The following ZNF836 variants were observed in gnomAD, a reference collection of about 807,000 sequenced individuals.
ZNF836 encodes the protein zinc finger protein 836.
Under a neutral mutation model 7.4 loss-of-function variants are expected in ZNF836, and 12 were observed. That is an observed-to-expected ratio of 1.61 (90% CI 1.03 to 2.61). ZNF836 has a LOEUF of 2.61. ZNF836 is among the 30% of genes most tolerant of loss of function. The pLI, the probability that ZNF836 is intolerant of heterozygous loss-of-function variation, is 0.00. For missense variants in ZNF836, 998 were observed against 1,126.2 expected (o/e 0.89, Z 1.63); for synonymous variants, 365 against 382.6 (o/e 0.95, Z 0.54).
chr19:52,155,024 C>T lies in ZNF836; in HGVS notation c.2659G>A (p.Glu887Lys). Residue 887 changes from glutamate to lysine, a missense_variant, in exon 5 of 5, where the codon GAA becomes AAA. Physicochemically the swap from Glu to Lys is moderately conservative, Grantham distance 56 (BLOSUM62 1). Coordinates refer to ENST00000682614, the MANE Select transcript of ZNF836 (RefSeq NM_001102657.3). The stretch of plus-strand genomic sequence containing the variant: ...CACTCATTACATTTATAAGGTTTTT[C>T]TCCAGAATGAATCATTTGGTGTTTG... ...LNKHQMIHSGEKPYKCNECGK... is the reference protein window; with the variant it reads ...LNKHQMIHSGKKPYKCNECGK... 1 of 1,614,128 alleles carries T rather than the reference C, an allele frequency of 6.2e-7. No homozygotes were observed. Among genetic ancestry groups the T allele is most frequent in the East Asian group, 2.2e-5 (1 of 44,880 alleles).
intron 2 of ZNF836, among the ~76,000 whole-genome samples, chr19:52,169,279 A>T (rs959815491): frequency 2.0e-5 from 3 of 152,156 alleles, no homozygotes; most frequent in African/African-American, 7.2e-5. Context: ...AATTAAGTGG[A>T]ACTACAAAGA....
intron 3 of ZNF836, among the ~76,000 whole-genome samples, chr19:52,162,929 T>C (rs1275200422): frequency 2.0e-5 from 3 of 152,136 alleles, no homozygotes; most frequent in Non-Finnish European, 4.4e-5. Flanking sequence ...CCTTTGGCCT[T>C]TTTAGCTCCC....
In ZNF836 at chr19:52,157,453, C is replaced by A. The variant is rs1204708876; in HGVS notation, c.230G>T (p.Arg77Ile). ...ATTTTCAACATCATAACATTCATGT[C>A]TTTCCAGCGTCACTGTTTGGCATTT... ...GEKCQTVTLE[R>I]HECYDVENFY... Residue 77 changes from arginine to isoleucine, a missense_variant, in exon 5 of 5, where the codon AGA (arginine) becomes ATA (isoleucine). Physicochemically the swap from Arg to Ile is moderately conservative, Grantham distance 97. Transcript: ENST00000682614. The A allele has an allele frequency of 1.2e-6, 2 of 1,601,662 alleles. No individual in the cohort carries two copies. Among genetic ancestry groups the A allele is most frequent in the Non-Finnish European group, 1.7e-6 (2 of 1,176,468 alleles).
intron 3 of ZNF836, among the ~76,000 whole-genome samples, chr19:52,167,472 CAAAAAAAA>C (rs1165727472): frequency 9.1e-5 from 4 of 44,122 alleles, no homozygotes; most frequent in East Asian, 1.6e-3. Context: ...AACTCCGTCT[CAAAAAAAA>C]AAAAAAAAAA....
At chr19:52,163,598 C>T (rs767315112) in intron 3 of ZNF836, among the ~76,000 whole-genome samples, 1 of 152,072 alleles carries the variant, frequency 6.6e-6, no homozygotes, top group South Asian at 2.1e-4. Flanking sequence ...CATGGTGAAA[C>T]CCCGTCTCTA....
At position 52,157,101 on chromosome 19, in the gene ZNF836, T is replaced by C. The variant is rs766865959; in HGVS notation, c.582A>G (p.Lys194=). 4 of 1,613,894 alleles carry C rather than the reference T, an allele frequency of 2.5e-6. No individual in the cohort carries two copies. The East Asian group carries it at 6.7e-5, about 27-fold the overall frequency. ...LPSVQTNISK[K]YENEFLQLSL... ...ACAGCTGCAAAAACTCATTCTCATA[T>C]TTTTTAGAAATGTTGGTTTGGACAC... The change falls in exon 5 of 5, where the codon AAA becomes AAG. Residue 194 remains lysine (K), a synonymous_variant. Transcript: ENST00000682614.
Position 52,154,985 on chromosome 19 carries a change from T to A in ZNF836, c.2698A>T (p.Ile900Phe). The change falls in exon 5 of 5, where the codon ATT becomes TTT. Residue 900 changes from isoleucine (I) to phenylalanine (F), a missense_variant. Physicochemically the swap from Ile to Phe is conservative, Grantham distance 21 (BLOSUM62 0). Coordinates refer to ENST00000682614, the MANE Select transcript of ZNF836 (RefSeq NM_001102657.3). The part of the protein sequence containing the change: ...YKCNECGKSF[I>F]SRSGLTKHQT... ...TGTTTAGTGAGGCCTGAGCGACTAA[T>A]GAAAGATTTGCCACACTCATTACAT... is the stretch of plus-strand genomic sequence containing the variant. 1 of 1,611,660 alleles carries A rather than the reference T, an allele frequency of 6.2e-7. No homozygotes were observed. Among genetic ancestry groups the A allele is most frequent in the Non-Finnish European group, 8.5e-7 (1 of 1,178,596 alleles).
At chr19:52,165,013 C>G (rs2089250304) in intron 3 of ZNF836, among the ~76,000 whole-genome samples, 1 of 152,136 alleles carries the variant, frequency 6.6e-6, no homozygotes, top group African/African-American at 2.4e-5. Flanking sequence ...TCCCTTAAAC[C>G]TGGGAGGCGG....
chr19:52,159,719 G>A (rs1023476423), intron 4 of ZNF836, among the ~76,000 whole-genome samples: 13 of 152,144 alleles, frequency 8.5e-5, no homozygotes, highest in Non-Finnish European at 1.9e-4. Context: ...GTAAGTAACT[G>A]GGTAGTCCAT....
Position 52,156,853 on chromosome 19 carries a change from C to T in ZNF836, c.830G>A (p.Gly277Asp), listed in dbSNP as rs748081261. 22 of 1,614,058 alleles carry T rather than the reference C, an allele frequency of 1.4e-5. No homozygotes were observed. The highest frequency in any genetic ancestry group is 1.8e-5 in the Non-Finnish European group (21 of 1,180,052). The change falls in exon 5 of 5, where the codon GGT becomes GAT. Residue 277 changes from glycine to aspartate, a missense_variant. Gly to Asp is a moderately conservative substitution (Grantham distance 94). Transcript: ENST00000682614. ...VHTRGKPYQC[G>D]VCGKIFRQNS... is the part of the protein sequence containing the mutation. ...TTGTCTGAAGATCTTGCCACATACA[C>T]CACATTGATATGGCTTCCCCCTTGT... is the stretch of plus-strand genomic sequence containing the variant.
chr19:52,156,210 A>G lies in ZNF836; in HGVS notation c.1473T>C (p.Ile491=), dbSNP rs766229105. The G allele has an allele frequency of 6.2e-7, 1 of 1,614,108 alleles. No homozygotes were observed. The highest frequency in any genetic ancestry group is 8.5e-7 in the Non-Finnish European group (1 of 1,180,012). ...QTSHLVGHRR[I]HTGEKPYKCD... ...ATTTGTAAGGTTTCTCTCCAGTATG[A>G]ATTCTCCGATGCCCCACAAGATGTG... The change falls in exon 5 of 5, where the codon ATT becomes ATC. Residue 491 remains isoleucine (I), a synonymous_variant. Transcript: ENST00000682614.
In ZNF836 at chr19:52,156,668, A is replaced by T; in HGVS notation, c.1015T>A (p.Phe339Ile). 1 of 1,614,016 alleles carries T rather than the reference A, an allele frequency of 6.2e-7. No homozygotes were observed. The highest frequency in any genetic ancestry group is 1.1e-5 in the South Asian group (1 of 91,076). Residue 339 changes from phenylalanine to isoleucine, a missense_variant, in exon 5 of 5, where the codon TTC becomes ATC. Physicochemically the swap from Phe to Ile is conservative, Grantham distance 21. Transcript: ENST00000682614. The part of the protein sequence containing the change: ...PYKCNECGKT[F>I]KQGSCLTTHQ... Reference sequence around the variant, plus strand: ...GTAGTGAGGCATGAGCCTTGTTTGAAGGTTTTCCCACACTCATTACATTTG... The same window carrying T: ...GTAGTGAGGCATGAGCCTTGTTTGATGGTTTTCCCACACTCATTACATTTG...
chr19:52,157,215 T>C lies in ZNF836; in HGVS notation c.468A>G (p.Gln156=). ...TACACTCATAAATTTTCCCTTCAGT[T>C]TGAAATTTCTGCAGTTCAGTCAGAC... The part of the protein sequence containing the change: ...QSRLTELQKF[Q]TEGKIYECNQ... The change falls in exon 5 of 5, where the codon CAA becomes CAG. Residue 156 remains glutamine (Q), a synonymous_variant. Transcript: ENST00000682614. The C allele has an allele frequency of 1.2e-6, 2 of 1,611,694 alleles. No homozygotes were observed. Among genetic ancestry groups the C allele is most frequent in the Non-Finnish European group, 1.7e-6 (2 of 1,178,502 alleles).
At chr19:52,162,086 A>G (rs947901394) in intron 3 of ZNF836, among the ~76,000 whole-genome samples, 2 of 152,224 alleles carry the variant, frequency 1.3e-5, no homozygotes, top group Non-Finnish European at 2.9e-5. Flanking sequence ...CCTGGAGTAG[A>G]GGTTGGGTCC....
At chr19:52,160,421 T>C (rs1470391332) in intron 4 of ZNF836, 44 bp downstream of exon 4, 3 of 1,613,322 alleles carry the variant, frequency 1.9e-6, no homozygotes, top group Non-Finnish European at 2.5e-6. Flanking sequence ...AATACAAAAA[T>C]ACACGAGGGC....
intron 4 of ZNF836, 50 bp downstream of exon 4, chr19:52,160,415 C>G (rs775378061): frequency 1.9e-6 from 3 of 1,612,808 alleles, no homozygotes; most frequent in Non-Finnish European, 2.5e-6. Flanking sequence ...AGAGAAAATA[C>G]AAAAATACAC....
chr19:52,158,006 C>G (rs1288642118), intron 4 of ZNF836, among the ~76,000 whole-genome samples: 3 of 151,982 alleles, frequency 2.0e-5, no homozygotes. Flanking sequence ...CCACAATGAT[C>G]TTCTATTTTT....
intron 3 of ZNF836, among the ~76,000 whole-genome samples, chr19:52,162,942 C>T (rs146591226): frequency 1.0e-3 from 156 of 152,304 alleles, no homozygotes; most frequent in African/African-American, 3.7e-3. Flanking sequence ...TAGCTCCCAA[C>T]AGTGTGTGCC....
intron 3 of ZNF836, among the ~76,000 whole-genome samples, chr19:52,162,989 T>G (rs752300926): frequency 1.3e-5 from 2 of 152,106 alleles, no homozygotes; most frequent in Non-Finnish European, 2.9e-5. Context: ...TGGCCCCACT[T>G]CAGTCATAGG....
Sources: gnomAD v4.1 joint callset for allele counts (sites outside exome capture counted in the v4.1 genomes callset) on GRCh38, gnomAD v4.1.1 for gene constraint, MANE v1.5 for transcripts, NCBI Gene and HGNC (gene_info 2026-07-23, HGNC 2026-07-21) for gene names.